The following NDRG4 variants were observed in gnomAD, a reference collection of about 807,000 sequenced individuals.
NDRG4 encodes NDRG family member 4.
A neutral mutation model predicts 55.8 loss-of-function variants in NDRG4; 38 were observed. The ratio of observed to expected loss-of-function variants is 0.68; its 90% CI spans 0.53 to 0.89. NDRG4 has a LOEUF of 0.89. Ranked by LOEUF, NDRG4 falls within the 40% of genes least tolerant of loss-of-function variation. NDRG4 has a pLI of 0.00. For synonymous variants in NDRG4, 190 were observed against 182.7 expected (o/e 1.04, Z -0.32); for missense variants, 455 against 468.6 (o/e 0.97, Z 0.27).
intron 5 of NDRG4, 178 bp from the exon 6 acceptor site, chr16:58,506,207 AAG>A (rs770089617): frequency 1.1e-4 from 79 of 690,720 alleles, no homozygotes; most frequent in Admixed American, 1.6e-4. Context: ...AAATAAATCC[AAG>A]AACTGTGAAG....
downstream of NDRG4, among the ~76,000 whole-genome samples, chr16:58,514,758 A>C (rs1443768697): frequency 1.1e-5 from 1 of 88,582 alleles, no homozygotes; most frequent in Non-Finnish European, 2.0e-5. Flanking sequence ...AAAAAAAAAA[A>C]AAAAAAAGGA....
At chr16:58,489,602 C>G (rs969986634) in intron 2 of NDRG4, among the ~76,000 whole-genome samples, 1 of 151,946 alleles carries the variant, frequency 6.6e-6, no homozygotes, top group Non-Finnish European at 1.5e-5. Context: ...GTCACTTAGC[C>G]TGGTTTGTGT....
At position 58,511,281 on chromosome 16, in the gene NDRG4, C is replaced by T. The variant is rs542410452; in HGVS notation, c.905-141C>T. On this transcript the variant is annotated intron_variant, in intron 14 of 14. Coordinates refer to ENST00000570248, the MANE Select transcript of NDRG4 (RefSeq NM_001242835.2). Reference sequence around the variant, plus strand: ...TGCATGCCCCCAGCCCGACAGCTGTCGCCAGCCTCCTGACTCAGGAGGAGC... The same window carrying T: ...TGCATGCCCCCAGCCCGACAGCTGTTGCCAGCCTCCTGACTCAGGAGGAGC... The T allele has an allele frequency of 8.6e-5, 83 of 967,050 alleles. No individual in the cohort carries two copies. The African/African-American group carries it at 8.7e-4, about 10-fold the overall frequency. The allele number at this position is 967,050 out of a possible 1,614,324, so 59.9% of individuals were successfully genotyped here.
intron 2 of NDRG4, among the ~76,000 whole-genome samples, chr16:58,494,059 C>T (rs1382698664): frequency 6.6e-6 from 1 of 152,208 alleles, no homozygotes; most frequent in East Asian, 1.9e-4. Context: ...TTTTGAGCCT[C>T]TCTCCCCTCA....
At chr16:58,497,361 G>A (rs532303238), upstream of NDRG4, among the ~76,000 whole-genome samples, 6 of 152,240 alleles carry the variant, frequency 3.9e-5, no homozygotes, top group African/African-American at 1.4e-4. Context: ...GGGATAGAGA[G>A]AATGGGTAAA....
intron 1 of NDRG4, among the ~76,000 whole-genome samples, chr16:58,465,576 T>TGAGGGGGGGGGGGG (rs2031454955): frequency 1.4e-5 from 1 of 69,228 alleles, no homozygotes; most frequent in Non-Finnish European, 2.9e-5. Context: ...AAGGTGGGGG[T>TGAGGGGGGGGGGGG]GGGGTACGTT....
At chr16:58,503,289 G>A (rs763946700) in intron 1 of NDRG4, among the ~76,000 whole-genome samples, 3 of 152,156 alleles carry the variant, frequency 2.0e-5, no homozygotes, top group Non-Finnish European at 4.4e-5. Context: ...AACCACATGC[G>A]CAAGAGCCTT....
At chr16:58,468,997 C>CCTCA (rs2032279143) in intron 1 of NDRG4, among the ~76,000 whole-genome samples, 2 of 152,054 alleles carry the variant, frequency 1.3e-5, no homozygotes, top group Admixed American at 1.3e-4. Flanking sequence ...TGAAATGGTC[C>CCTCA]CTGGGGAGCC....
rs577197647 is a variant in NDRG4 at position 58,509,849 on chromosome 16, C to T, written c.865+497C>T. Among the ~76,000 whole-genome samples the T allele has an allele frequency of 4.6e-5, 7 of 152,244 alleles. No individual in the cohort carries two copies. In the South Asian group the frequency reaches 6.2e-4, roughly 14 times the overall value. ...TGGGGCCAGGGAAGGCAACTGGGGCCGCCTGGCATTCAGAGAGCTGAAAGC... is the reference window on the plus strand; with the variant it reads ...TGGGGCCAGGGAAGGCAACTGGGGCTGCCTGGCATTCAGAGAGCTGAAAGC... On this transcript the variant is annotated intron_variant, in intron 13 of 14. Coordinates refer to ENST00000570248, the MANE Select transcript of NDRG4 (RefSeq NM_001242835.2).
In NDRG4 at chr16:58,464,162, C is replaced by T. The variant is rs1469873486; in HGVS notation, c.-24+365C>T. ...CCGCACCCACCCCGCGCCCTTCCTCCGCCTCCTGGAGTTCACCGGGACCAG... is the reference window on the plus strand; with the variant it reads ...CCGCACCCACCCCGCGCCCTTCCTCTGCCTCCTGGAGTTCACCGGGACCAG... On this transcript the variant is annotated intron_variant, in intron 1 of 15. Coordinates refer to the NDRG4 transcript ENST00000258187. The surrounding 1 kb of genome is among the most constrained non-coding windows in gnomAD (Gnocchi z 4.8). 2.7e-6 allele frequency: 1 copy of T among 368,802 alleles called. No homozygotes were observed. The highest frequency in any genetic ancestry group is 2.1e-5 in the African/African-American group (1 of 47,556). 22.8% of individuals were successfully genotyped at this position (368,802 alleles called of 1,614,324 possible). A position where few individuals can be genotyped will look rare whatever the true frequency, so the allele number is the denominator to read the frequency against.
chr16:58,496,214 G>T (rs573241712), upstream of NDRG4, among the ~76,000 whole-genome samples: 1 of 152,168 alleles, frequency 6.6e-6, no homozygotes, highest in Admixed American at 6.5e-5. Context: ...AGTCGTGGAG[G>T]AGACCCTACC....
chr16:58,506,822 C>A, intron 7 of NDRG4, 90 bp from the exon 8 acceptor site: 2 of 1,333,242 alleles, frequency 1.5e-6, no homozygotes, highest in Non-Finnish European at 2.1e-6. Flanking sequence ...GGGCAAGGGC[C>A]ACTCTGGCAG....
At chr16:58,508,305 G>A (rs1395332248) in intron 10 of NDRG4, among the ~76,000 whole-genome samples, 1 of 152,164 alleles carries the variant, frequency 6.6e-6, no homozygotes, top group Non-Finnish European at 1.5e-5. Flanking sequence ...TCAGGCCCAG[G>A]GTGTACGATC....
Position 58,464,444 on chromosome 16 carries a change from G to C in NDRG4, c.-24+647G>C. 1 of 1,358,648 alleles carries C rather than the reference G, an allele frequency of 7.4e-7. No homozygotes were observed. Among genetic ancestry groups the C allele is most frequent in the Non-Finnish European group, 9.5e-7 (1 of 1,057,564 alleles). 84.2% of individuals were successfully genotyped at this position (1,358,648 alleles called of 1,614,324 possible). A position where few individuals can be genotyped will look rare whatever the true frequency, so the allele number is the denominator to read the frequency against. On this transcript the variant is annotated intron_variant, in intron 1 of 15. Transcript: ENST00000258187. This position sits in a 1 kb window ranked among gnomAD's most constrained non-coding sequence, Gnocchi z 4.8. Reference sequence around the variant, plus strand: ...CCGGGCGCCGAGATGAAGGTGCTGGGACACCGGCTGGAGCTGCTCACAGGT... The same window carrying C: ...CCGGGCGCCGAGATGAAGGTGCTGGCACACCGGCTGGAGCTGCTCACAGGT...
Position 58,464,219 on chromosome 16 carries a change from G to A in NDRG4, c.-24+422G>A. 1 of 404,698 alleles carries A rather than the reference G, an allele frequency of 2.5e-6. No homozygotes were observed. The highest frequency in any genetic ancestry group is 4.3e-6 in the Non-Finnish European group (1 of 232,254). The allele number at this position is 404,698 out of a possible 1,614,324, so 25.1% of individuals were successfully genotyped here. On this transcript the variant is annotated intron_variant, in intron 1 of 15. Transcript: ENST00000258187. This position sits in a 1 kb window ranked among gnomAD's most constrained non-coding sequence, Gnocchi z 4.8. ...GCGGGTGCCTTTTTGGGGGTGCGCGGCCATGCAATTGGTGGATTTTTTTAA... is the reference window on the plus strand; with the variant it reads ...GCGGGTGCCTTTTTGGGGGTGCGCGACCATGCAATTGGTGGATTTTTTTAA...
intron 8 of NDRG4, chr16:58,507,492 AG>A (rs1339694753): frequency 2.3e-5 from 7 of 310,080 alleles, no homozygotes; most frequent in Non-Finnish European, 3.6e-5. Flanking sequence ...CATGGTGCTA[AG>A]AAAACAAAAC....
upstream of NDRG4, among the ~76,000 whole-genome samples, chr16:58,496,418 T>G (rs1352574788): frequency 6.6e-6 from 1 of 152,052 alleles, no homozygotes; most frequent in Admixed American, 6.6e-5. Context: ...GCAGCATTTT[T>G]TTCGTTTTTT....
chr16:58,465,883 C>T (rs938084488), intron 1 of NDRG4, among the ~76,000 whole-genome samples: 1 of 152,226 alleles, frequency 6.6e-6, no homozygotes, highest in Admixed American at 6.5e-5. Flanking sequence ...GCACCCCCTC[C>T]AATCCCTTGC....
chr16:58,464,749 A>G lies in NDRG4; in HGVS notation c.-24+952A>G. The G allele has an allele frequency of 7.8e-7, 1 of 1,276,004 alleles. No homozygotes were observed. The highest frequency in any genetic ancestry group is 9.9e-7 in the Non-Finnish European group (1 of 1,012,750). The allele number at this position is 1,276,004 out of a possible 1,614,324, so 79.0% of individuals were successfully genotyped here. A position where few individuals can be genotyped will look rare whatever the true frequency, so the allele number is the denominator to read the frequency against. On this transcript the variant is annotated intron_variant, in intron 1 of 15. Coordinates refer to the NDRG4 transcript ENST00000258187. This position sits in a 1 kb window ranked among gnomAD's most constrained non-coding sequence, Gnocchi z 4.8. ...GCGGAGCTCGGATTAGGACCCTGAA[A>G]GCTAGCTCAGGGCTCCTGCCCTCCA...
Sources: gnomAD v4.1 joint callset for allele counts (sites outside exome capture counted in the v4.1 genomes callset) on GRCh38, gnomAD v4.1.1 for gene constraint, Gnocchi (gnomAD v3.1) non-coding constraint, MANE v1.5 for transcripts, NCBI Gene and HGNC (gene_info 2026-07-23, HGNC 2026-07-21) for gene names.